PAX5: variants seen among roughly 807,000 people sequenced by gnomAD.
PAX5 encodes paired box 5.
PAX5 carries 9 observed loss-of-function variants against 43.7 expected under a neutral mutation model. The observed-to-expected ratio is 0.21, with a 90% CI of 0.12 to 0.36. The LOEUF is 0.36. PAX5 is among the 10% of genes least tolerant of loss of function. PAX5 has a pLI of 1.00. For synonymous variants in PAX5, 228 were observed against 214.3 expected, an observed-to-expected ratio of 1.06 and a Z score of -0.56; for missense variants, 383 against 532.7, an observed-to-expected ratio of 0.72 and a Z score of 2.77.
intron 8 of PAX5, among the ~76,000 whole-genome samples, chr9:36,850,677 T>C (rs981263417): frequency 2.6e-5 from 4 of 152,218 alleles, no homozygotes; most frequent in African/African-American, 9.6e-5. Context: ...CTGTGAGTTC[T>C]GGTAGGTGCC....
intron 7 of PAX5, among the ~76,000 whole-genome samples, chr9:36,906,901 T>TAC (rs72571573): frequency 0.35 from 52,882 of 152,016 alleles, 10,633 homozygotes; most frequent in African/African-American, 0.56. Context: ...CACACATACA[T>TAC]ACACACATGT....
intron 6 of PAX5, among the ~76,000 whole-genome samples, chr9:36,938,088 C>T (rs1399331627): frequency 2.6e-5 from 4 of 152,120 alleles, no homozygotes; most frequent in African/African-American, 9.7e-5. Context: ...TAGCTAATGT[C>T]AATAATCTAG....
At chr9:36,974,831 G>A (rs557234027) in intron 5 of PAX5, among the ~76,000 whole-genome samples, 1 of 152,010 alleles carries the variant, frequency 6.6e-6, no homozygotes, top group Non-Finnish European at 1.5e-5. Flanking sequence ...CTGAGCCCCC[G>A]AGGCCTCGAC....
chr9:36,877,200 T>C (rs1825996584), intron 8 of PAX5, among the ~76,000 whole-genome samples: 2 of 152,100 alleles, frequency 1.3e-5, no homozygotes, highest in Non-Finnish European at 2.9e-5. Context: ...GGTGGCATGG[T>C]GGCAGGTGCC....
In PAX5 at chr9:36,984,435, C is replaced by CTTTTTTTTTTTTTTTTTTTTTTTTTTTT. The variant is rs10663927; in HGVS notation, c.605-17712_605-17711insAAAAAAAAAAAAAAAAAAAAAAAAAAAA. 1.0e-4 allele frequency among the ~76,000 whole-genome samples: 7 copies of CTTTTTTTTTTTTTTTTTTTTTTTTTTTT among 66,882 alleles called. 1 individual carries two copies. Among genetic ancestry groups the CTTTTTTTTTTTTTTTTTTTTTTTTTTTT allele is most frequent in the African/African-American group, 4.6e-4 (7 of 15,110 alleles). 43.9% of individuals were successfully genotyped at this position (66,882 alleles called of 152,430 possible). Reference sequence around the variant, plus strand: ...GCCCTGGATTGGTTATTGAACCTCTCTTTTTTTTTTTTTTTTTTTTTTGAG... The same window carrying CTTTTTTTTTTTTTTTTTTTTTTTTTTTT: ...GCCCTGGATTGGTTATTGAACCTCTCTTTTTTTTTTTTTTTTTTTTTTTTTTTTTTTTTTTTTTTTTTTTTTTTTTGAG... On this transcript the variant is annotated intron_variant, in intron 5 of 9. Transcript: ENST00000358127.
intron 5 of PAX5, among the ~76,000 whole-genome samples, chr9:36,982,275 A>C (rs1022358238): frequency 6.6e-6 from 1 of 152,154 alleles, no homozygotes; most frequent in Non-Finnish European, 1.5e-5. Context: ...AAAAAAATAA[A>C]AAAATAAAAA....
chr9:36,846,031 G>C (rs953352594), intron 9 of PAX5, among the ~76,000 whole-genome samples: 40 of 152,250 alleles, frequency 2.6e-4, no homozygotes, highest in African/African-American at 9.4e-4. Context: ...TGATTGGCTG[G>C]CTCCACCTCC....
intron 8 of PAX5, among the ~76,000 whole-genome samples, chr9:36,856,386 G>C (rs1247002107): frequency 1.3e-5 from 2 of 152,214 alleles, no homozygotes; most frequent in East Asian, 3.8e-4. Context: ...TGAGTGAAAA[G>C]GGACACTGGT....
In PAX5 at chr9:36,925,568, T is replaced by C. The variant is rs572338100; in HGVS notation, c.781-2084A>G. On this transcript the variant is annotated intron_variant, in intron 6 of 9. Coordinates refer to ENST00000358127, the MANE Select transcript of PAX5 (RefSeq NM_016734.3). Reference sequence around the variant, plus strand: ...CAGCAGGAAAGGATGGACTCTTTAATAAACAGAGCAGGGGTAACTGGTTAT... The same window carrying C: ...CAGCAGGAAAGGATGGACTCTTTAACAAACAGAGCAGGGGTAACTGGTTAT... 1.7e-4 allele frequency among the ~76,000 whole-genome samples: 26 copies of C among 152,206 alleles called. 1 individual carries two copies. The highest frequency in any genetic ancestry group is 5.8e-4 in the African/African-American group (24 of 41,536).
intron 7 of PAX5, among the ~76,000 whole-genome samples, chr9:36,903,775 C>T (rs751595535): frequency 5.3e-5 from 8 of 152,200 alleles, no homozygotes; most frequent in Non-Finnish European, 8.8e-5. Flanking sequence ...ACCCACTACC[C>T]TTCAATCAGA....
chr9:36,997,302 A>G (rs1322911573), intron 5 of PAX5, among the ~76,000 whole-genome samples: 1 of 152,162 alleles, frequency 6.6e-6, no homozygotes, highest in Non-Finnish European at 1.5e-5. Context: ...TCTGGCCCCC[A>G]CAGTCCACAC....
intron 3 of PAX5, among the ~76,000 whole-genome samples, chr9:37,011,203 G>T (rs1838904143): frequency 1.3e-5 from 2 of 150,976 alleles, no homozygotes; most frequent in South Asian, 4.2e-4. Flanking sequence ...TTAGAATTAA[G>T]AGCAGAACTA....
chr9:36,889,313 T>C (rs1827171502), intron 7 of PAX5, among the ~76,000 whole-genome samples: 3 of 152,250 alleles, frequency 2.0e-5, no homozygotes, highest in Non-Finnish European at 4.4e-5. Flanking sequence ...GCAGTTGATG[T>C]ACCCAAGGTT....
rs1222986351 is a variant in PAX5 at position 36,846,891 on chromosome 9, A to T, written c.1051T>A (p.Tyr351Asn). 22 of 1,614,112 alleles carry T rather than the reference A, an allele frequency of 1.4e-5. No individual in the cohort carries two copies. The highest frequency in any genetic ancestry group is 1.9e-5 in the Non-Finnish European group (22 of 1,179,942). ...CTCCAGGAGTCGTTGTACGAGGAATACTGAGGGTGGCTGTAGGGACTCCCG... is the reference window on the plus strand; with the variant it reads ...CTCCAGGAGTCGTTGTACGAGGAATTCTGAGGGTGGCTGTAGGGACTCCCG... The part of the protein sequence containing the change: ...FSGSPYSHPQ[Y>N]SSYNDSWRFP... The change falls in exon 9 of 10, where the codon TAT (tyrosine) becomes AAT (asparagine). Residue 351 changes from tyrosine to asparagine, a missense_variant. Tyr to Asn is a moderately radical substitution (Grantham distance 143). This residue lies in a region of PAX5 where 291 missense variants were observed against 342.5 expected (regional missense o/e 0.85). Coordinates refer to ENST00000358127, the MANE Select transcript of PAX5 (RefSeq NM_016734.3).
chr9:36,841,712 C>T (rs749625426), intron 9 of PAX5, among the ~76,000 whole-genome samples: 87 of 152,280 alleles, frequency 5.7e-4, no homozygotes, highest in Admixed American at 1.6e-3. Flanking sequence ...CAAACAATAG[C>T]GAAGACACCC....
At chr9:36,927,836 G>A (rs988964155) in intron 6 of PAX5, among the ~76,000 whole-genome samples, 1 of 151,972 alleles carries the variant, frequency 6.6e-6, no homozygotes, top group African/African-American at 2.4e-5. Flanking sequence ...AGCCTCCCAA[G>A]TGGCTGGGAT....
intron 6 of PAX5, among the ~76,000 whole-genome samples, chr9:36,949,945 G>A (rs749446896): frequency 2.0e-5 from 3 of 151,988 alleles, no homozygotes; most frequent in South Asian, 2.1e-4. Flanking sequence ...ACCTACCCTC[G>A]ACCTCCCTAA....
chr9:36,886,937 G>T (rs1470272629), intron 7 of PAX5, among the ~76,000 whole-genome samples: 2 of 152,102 alleles, frequency 1.3e-5, no homozygotes, highest in Non-Finnish European at 2.9e-5. Flanking sequence ...TCAACACAAA[G>T]GCCACTCCTC....
intron 6 of PAX5, among the ~76,000 whole-genome samples, chr9:36,928,947 AAAC>A (rs147042396): frequency 0.01 from 1,543 of 152,348 alleles, 22 homozygotes; most frequent in African/African-American, 0.035. Context: ...GCCTCTGACT[AAAC>A]AACAAGAACA....
Sources: gnomAD v4.1 joint callset for allele counts (sites outside exome capture counted in the v4.1 genomes callset) on GRCh38, gnomAD v4.1.1 for gene constraint, gnomAD v4.1.1 regional missense constraint, MANE v1.5 for transcripts, NCBI Gene and HGNC (gene_info 2026-07-23, HGNC 2026-07-21) for gene names.